Variants in UGT1A5 observed in about 807,000 individuals in gnomAD.
UGT1A5 encodes the protein UDP glucuronosyltransferase family 1 member A5.
UGT1A5 carries 29 observed loss-of-function variants against 40.3 expected under a neutral mutation model. That is an observed-to-expected ratio of 0.72 (90% confidence interval 0.54 to 0.98). UGT1A5 has a LOEUF of 0.98. Ranked by LOEUF, UGT1A5 falls within the 50% of genes least tolerant of loss-of-function variation. The probability of loss-of-function intolerance (pLI) is 0.00; values close to 1 mark genes in which losing one functional copy is unlikely to be tolerated. For missense variants in UGT1A5, 678 were observed against 677.9 expected, an observed-to-expected ratio of 1.00 and a Z score of 0.00; for synonymous variants, 257 against 262.5, an observed-to-expected ratio of 0.98 and a Z score of 0.20.
rs28900395 is a variant in UGT1A5 at position 233,758,981 on chromosome 2, G to A, written c.868-8053G>A. ...CAAATGCCTTTCCCCTGGATCTTGGGCCAGTGGAATGAGTACAATTTAACT... is the reference window on the plus strand; with the variant it reads ...CAAATGCCTTTCCCCTGGATCTTGGACCAGTGGAATGAGTACAATTTAACT... On this transcript the variant is annotated intron_variant, in intron 1 of 4. Transcript: ENST00000373414. 1.8e-4 allele frequency among the ~76,000 whole-genome samples: 28 copies of A among 152,260 alleles called. No homozygotes were observed. The East Asian group carries it at 5.2e-3, about 28-fold the overall frequency.
intron 1 of UGT1A5, among the ~76,000 whole-genome samples, chr2:233,736,104 T>C (rs1411990177): frequency 6.6e-6 from 1 of 152,222 alleles, no homozygotes; most frequent in Non-Finnish European, 1.5e-5. Context: ...CTGAAGAGTG[T>C]TTTCCAACTT....
At chr2:233,757,773 G>A (rs1419561449) in intron 1 of UGT1A5, among the ~76,000 whole-genome samples, 2 of 151,708 alleles carry the variant, frequency 1.3e-5, no homozygotes, top group African/African-American at 2.4e-5. Context: ...TTAGTAATAA[G>A]CCTGTCATTC....
chr2:233,732,623 T>G (rs1263936305), intron 1 of UGT1A5, among the ~76,000 whole-genome samples: 26 of 152,192 alleles, frequency 1.7e-4, no homozygotes, highest in Admixed American at 1.7e-3. Flanking sequence ...TGTAGATGTG[T>G]GGTGTTATTT....
chr2:233,724,339 G>A (rs2077227774), intron 1 of UGT1A5, among the ~76,000 whole-genome samples: 2 of 142,766 alleles, frequency 1.4e-5, no homozygotes, highest in African/African-American at 5.3e-5. Flanking sequence ...GCGGGGGGCT[G>A]ACCCCCCCCA....
chr2:233,767,054 T>C lies in UGT1A5; in HGVS notation c.888T>C (p.Asn296=), dbSNP rs1164851963. ...PLSQEFEAYI[N]ASGEHGIVVF... ...TCTAGGAATTTGAAGCCTACATTAA[T>C]GCTTCTGGAGAACATGGAATTGTGG... is the stretch of plus-strand genomic sequence containing the variant. The change falls in exon 2 of 5, where the codon AAT becomes AAC. Residue 296 remains asparagine, a synonymous_variant. Coordinates refer to ENST00000373414, the MANE Select transcript of UGT1A5 (RefSeq NM_019078.2). The C allele has an allele frequency of 2.5e-6, 4 of 1,614,114 alleles. No homozygotes were observed. Among genetic ancestry groups the C allele is most frequent in the Non-Finnish European group, 2.5e-6 (3 of 1,179,982 alleles).
chr2:233,732,205 G>A (rs1179659019), intron 1 of UGT1A5, among the ~76,000 whole-genome samples: 1 of 152,068 alleles, frequency 6.6e-6, no homozygotes, highest in East Asian at 1.9e-4. Context: ...TTGTCAGATG[G>A]GTAGATTGCA....
chr2:233,715,994 A>C (rs976183332), intron 1 of UGT1A5, among the ~76,000 whole-genome samples: 1 of 152,088 alleles, frequency 6.6e-6, no homozygotes, highest in African/African-American at 2.4e-5. Context: ...ACACAACAAA[A>C]CCCAAAATGA....
chr2:233,722,960 A>G (rs932052619), intron 1 of UGT1A5, among the ~76,000 whole-genome samples: 1 of 141,792 alleles, frequency 7.1e-6, no homozygotes, highest in African/African-American at 2.6e-5. Context: ...GAGGAGGAGG[A>G]AGGGGAGGGA....
rs144275831 is a variant in UGT1A5, at chr2:233,718,988, C to A, written c.867+5130C>A. 175 of 1,614,210 alleles carry A rather than the reference C, an allele frequency of 1.1e-4. 1 individual carries two copies. In the Middle Eastern group the frequency reaches 1.3e-3, roughly 12 times the overall value. ...TGCGGGAGCTCCATGCCAGAGGCCA[C>A]CAGGCGGTGGTCCTCACCCCAGAGG... On this transcript the variant is annotated intron_variant, in intron 1 of 4. Coordinates refer to ENST00000373414, the MANE Select transcript of UGT1A5 (RefSeq NM_019078.2).
chr2:233,760,162 T>C (rs967006180), intron 1 of UGT1A5: 7 of 1,514,606 alleles, frequency 4.6e-6, no homozygotes, highest in Admixed American at 4.0e-5. Flanking sequence ...CTGCTACCTT[T>C]GTGGACTGAC....
intron 1 of UGT1A5, chr2:233,747,605 A>G: frequency 6.4e-7 from 1 of 1,574,152 alleles, no homozygotes; most frequent in Non-Finnish European, 8.7e-7. Context: ...GTGTGGAGCT[A>G]CTGCATAATG....
At chr2:233,719,270 A>T (rs775879041) in intron 1 of UGT1A5, 1 of 1,614,088 alleles carries the variant, frequency 6.2e-7, no homozygotes, top group South Asian at 1.1e-5. Flanking sequence ...ATGTGGTTTT[A>T]ACAGACCCCG....
intron 1 of UGT1A5, chr2:233,743,914 C>G (rs201448352): frequency 1.5e-6 from 2 of 1,364,518 alleles, no homozygotes; most frequent in Non-Finnish European, 2.0e-6. Context: ...AGTAGTCCAC[C>G]ATGCTGGATG....
intron 1 of UGT1A5, among the ~76,000 whole-genome samples, chr2:233,724,201 G>A: frequency 7.6e-6 from 1 of 131,764 alleles, no homozygotes; most frequent in South Asian, 2.7e-4. Flanking sequence ...TGGCTGGCCG[G>A]GCTGAGGGGC....
At chr2:233,744,478 A>C (rs921058584) in intron 1 of UGT1A5, among the ~76,000 whole-genome samples, 8 of 152,046 alleles carry the variant, frequency 5.3e-5, no homozygotes, top group South Asian at 2.1e-4. Context: ...AAGACATATT[A>C]ATTGGGCAAT....
chr2:233,755,198 G>A (rs1452134349), intron 1 of UGT1A5: 1 of 1,110,818 alleles, frequency 9.0e-7, no homozygotes, highest in Non-Finnish European at 1.3e-6. Flanking sequence ...GCGCCAGCTT[G>A]CGGTACGCCT....
Position 233,713,388 on chromosome 2 carries a change from C to CA in UGT1A5, c.398dup (p.His133GlnfsTer2), listed in dbSNP as rs1287964776. ...ACATAGGTCTTGTGTGGAGCTACTG[C>CA]ATAATGAGGCCCTGATCAGGCACCT... On this transcript the variant is annotated frameshift_variant, in exon 1 of 5. Coordinates refer to ENST00000373414, the MANE Select transcript of UGT1A5 (RefSeq NM_019078.2). LOFTEE classifies it high-confidence loss of function. 6.2e-7 allele frequency: 1 copy of CA among 1,614,146 alleles called. No individual in the cohort carries two copies. The highest frequency in any genetic ancestry group is 1.7e-5 in the Admixed American group (1 of 60,024).
At chr2:233,718,979 C>G (rs143900667) in intron 1 of UGT1A5, 274 of 1,614,174 alleles carry the variant, frequency 1.7e-4, no homozygotes, top group East Asian at 1.0e-3. Flanking sequence ...AGCTCCATGC[C>G]AGAGGCCACC....
At chr2:233,758,501 A>C (rs1213021180) in intron 1 of UGT1A5, among the ~76,000 whole-genome samples, 2 of 152,232 alleles carry the variant, frequency 1.3e-5, no homozygotes, top group Admixed American at 6.5e-5. Context: ...AGAATTTCTA[A>C]TAAGGACACA....
Sources: gnomAD v4.1 joint callset for allele counts (sites outside exome capture counted in the v4.1 genomes callset) on GRCh38, gnomAD v4.1.1 for gene constraint, MANE v1.5 for transcripts, NCBI Gene and HGNC (gene_info 2026-07-23, HGNC 2026-07-21) for gene names.